Variants in NRXN3 observed in about 807,000 individuals in gnomAD.
NRXN3 encodes neurexin III.
NRXN3 carries 32 observed loss-of-function variants against 137.6 expected under a neutral mutation model. The observed-to-expected ratio is 0.23, with a 90% confidence interval of 0.18 to 0.31. The LOEUF (loss-of-function observed/expected upper bound fraction) is 0.31, where lower values mean the gene tolerates loss of function less well. NRXN3 is among the 10% of genes least tolerant of loss of function. The pLI is 1.00. For synonymous variants in NRXN3, 798 were observed against 784.5 expected, an observed-to-expected ratio of 1.02 and a Z score of -0.29; for missense variants, 1,574 against 2,062.5, an observed-to-expected ratio of 0.76 and a Z score of 4.59.
intron 4 of NRXN3, among the ~76,000 whole-genome samples, chr14:78,341,667 G>A (rs2153581958): frequency 6.6e-6 from 1 of 152,300 alleles, no homozygotes; most frequent in Admixed American, 6.5e-5. Flanking sequence ...AGGAAGGGAA[G>A]GCTTGTACTA....
At chr14:79,853,476 T>C (rs2099396176) in intron 20 of NRXN3, 2 of 932,506 alleles carry the variant, frequency 2.1e-6, no homozygotes, top group South Asian at 1.6e-5. Flanking sequence ...CTGTTCTTTA[T>C]TTCCATAGAT....
intron 4 of NRXN3, among the ~76,000 whole-genome samples, chr14:78,465,733 C>T (rs1350419045): frequency 1.3e-5 from 2 of 151,756 alleles, no homozygotes; most frequent in African/African-American, 4.8e-5. Flanking sequence ...TGGGGTTTCA[C>T]CGTGTTGGCC....
At position 79,241,352 on chromosome 14, in the gene NRXN3, A is replaced by G. The variant is rs1009040229; in HGVS notation, c.3263-225869A>G. Among the ~76,000 whole-genome samples the G allele has an allele frequency of 2.6e-5, 4 of 152,316 alleles. No individual in the cohort carries two copies. In the South Asian group the frequency reaches 8.3e-4, roughly 32 times the overall value. ...AAAAAAGACATATCCAAGACTGGGT[A>G]ACTTATAAAGGAAAGAGGTCCAGTG... On this transcript the variant is annotated intron_variant, in intron 15 of 20. Coordinates refer to ENST00000335750, the MANE Select transcript of NRXN3 (RefSeq NM_001330195.2).
intron 10 of NRXN3, among the ~76,000 whole-genome samples, chr14:78,823,846 A>G (rs1567422032): frequency 6.6e-6 from 1 of 152,096 alleles, no homozygotes; most frequent in African/African-American, 2.4e-5. Flanking sequence ...TAAAAAAAAA[A>G]TAGCTGTGTT....
chr14:79,537,949 A>G (rs2097229742), intron 16 of NRXN3, among the ~76,000 whole-genome samples: 1 of 152,102 alleles, frequency 6.6e-6, no homozygotes, highest in Non-Finnish European at 1.5e-5. Context: ...CCTCTCCAGC[A>G]CCTGTTGTTT....
intron 15 of NRXN3, among the ~76,000 whole-genome samples, chr14:79,233,721 G>A (rs573368013): frequency 2.6e-5 from 4 of 151,432 alleles, no homozygotes; most frequent in East Asian, 3.9e-4. Flanking sequence ...ACTTTATAAC[G>A]AGGATTAGAC....
chr14:78,346,184 A>G (rs1012062226), intron 4 of NRXN3, among the ~76,000 whole-genome samples: 1 of 152,180 alleles, frequency 6.6e-6, no homozygotes, highest in Admixed American at 6.5e-5. Flanking sequence ...AGAAGGCCCT[A>G]CAACCTCTGG....
chr14:78,848,767 C>T (rs1026263898), intron 10 of NRXN3, among the ~76,000 whole-genome samples: 2 of 152,054 alleles, frequency 1.3e-5, no homozygotes, highest in African/African-American at 4.8e-5. Context: ...AGGGAGCCAG[C>T]AATTTGTTTC....
At chr14:79,603,041 C>T (rs2097946641) in intron 16 of NRXN3, among the ~76,000 whole-genome samples, 1 of 152,206 alleles carries the variant, frequency 6.6e-6, no homozygotes, top group South Asian at 2.1e-4. Context: ...CCACACCTGA[C>T]TTAAATGCCA....
chr14:78,728,185 T>C lies in NRXN3; in HGVS notation c.2044+13046T>C, dbSNP rs530344916. ...TCCTTTGTAGCTGAGAGTAAGATGC[T>C]CCTGCTGTGTGGGTCAGAAGATTTC... is the stretch of plus-strand genomic sequence containing the variant. On this transcript the variant is annotated intron_variant, in intron 8 of 20. Transcript: ENST00000335750. Among the ~76,000 whole-genome samples the C allele has an allele frequency of 4.9e-4, 74 of 152,328 alleles. No homozygotes were observed. In the South Asian group the frequency reaches 0.013, roughly 26 times the overall value.
chr14:78,213,602 C>T (rs1384378978), intron 1 of NRXN3, among the ~76,000 whole-genome samples: 2 of 152,132 alleles, frequency 1.3e-5, no homozygotes, highest in African/African-American at 4.8e-5. Flanking sequence ...ATGAGTACTC[C>T]AATGTGCTTG....
chr14:78,660,723 CT>C (rs1474455686), intron 6 of NRXN3, among the ~76,000 whole-genome samples: 1 of 152,206 alleles, frequency 6.6e-6, no homozygotes, highest in Non-Finnish European at 1.5e-5. Flanking sequence ...TCAAATTAGA[CT>C]ACCCCTTAAT....
At chr14:79,273,065 G>A (rs183083760) in intron 15 of NRXN3, among the ~76,000 whole-genome samples, 321 of 151,424 alleles carry the variant, frequency 2.1e-3, no homozygotes, top group Admixed American at 7.8e-3. Flanking sequence ...CCCGCTACTC[G>A]GGAGGATGAA....
intron 4 of NRXN3, among the ~76,000 whole-genome samples, chr14:78,581,349 C>T (rs1325121236): frequency 6.6e-6 from 1 of 152,182 alleles, no homozygotes; most frequent in Non-Finnish European, 1.5e-5. Flanking sequence ...TGGCACGTTT[C>T]ATGTCTGCTG....
chr14:78,262,180 G>A (rs2153476020), intron 2 of NRXN3, among the ~76,000 whole-genome samples: 1 of 152,290 alleles, frequency 6.6e-6, no homozygotes, highest in East Asian at 1.9e-4. Flanking sequence ...AGATTGGTTA[G>A]TTTGATATCG....
At chr14:78,661,373 T>C (rs539928910) in intron 6 of NRXN3, among the ~76,000 whole-genome samples, 2 of 152,348 alleles carry the variant, frequency 1.3e-5, no homozygotes, top group Non-Finnish European at 2.9e-5. Flanking sequence ...TGTGATATTC[T>C]CATTAATAAG....
rs867759635 is a variant in NRXN3 at position 79,845,137 on chromosome 14, T to C, written c.4094-16205T>C. ...CTCACCTGCCTCAGCCTTCATAGAATTGAAGAGTTAGGGCCTTTCTCTGCA... is the reference window on the plus strand; with the variant it reads ...CTCACCTGCCTCAGCCTTCATAGAACTGAAGAGTTAGGGCCTTTCTCTGCA... On this transcript the variant is annotated intron_variant, in intron 20 of 20. Coordinates refer to ENST00000335750, the MANE Select transcript of NRXN3 (RefSeq NM_001330195.2). Among the ~76,000 whole-genome samples the C allele has an allele frequency of 1.9e-4, 29 of 152,310 alleles. No individual in the cohort carries two copies. In the Middle Eastern group the frequency reaches 0.014, roughly 71 times the overall value.
chr14:79,080,282 A>G (rs1052245108), intron 15 of NRXN3, among the ~76,000 whole-genome samples: 4 of 152,208 alleles, frequency 2.6e-5, no homozygotes, highest in Non-Finnish European at 4.4e-5. Context: ...AAGCAAATTC[A>G]ATTTGATCTC....
chr14:78,685,855 G>A (rs2098121236), intron 6 of NRXN3, among the ~76,000 whole-genome samples: 1 of 146,874 alleles, frequency 6.8e-6, no homozygotes, highest in Non-Finnish European at 1.5e-5. Flanking sequence ...GTTTCACAGT[G>A]TTAGGCTGAT....
Sources: gnomAD v4.1 joint callset for allele counts (sites outside exome capture counted in the v4.1 genomes callset) on GRCh38, gnomAD v4.1.1 for gene constraint, MANE v1.5 for transcripts, NCBI Gene and HGNC (gene_info 2026-07-23, HGNC 2026-07-21) for gene names.